Variants in LOC128125817 observed in about 807,000 individuals in gnomAD.
chr1:41,586,184 C>G, the LOC128125817 span, among the ~76,000 whole-genome samples: 11 of 152,176 alleles, frequency 7.2e-5, no homozygotes, highest in Admixed American at 7.2e-4. Flanking sequence ...AGTGGAGGAG[C>G]AAAGTTGGTC....
At chr1:41,615,815 CTTTTTTT>C in the LOC128125817 span, among the ~76,000 whole-genome samples, 1 of 46,990 alleles carries the variant, frequency 2.1e-5, no homozygotes, top group Non-Finnish European at 3.9e-5. Flanking sequence ...TTTGACAAGT[CTTTTTTT>C]TTTTTTTTTT....
the LOC128125817 span, among the ~76,000 whole-genome samples, chr1:41,610,549 A>G: frequency 6.6e-6 from 1 of 152,144 alleles, no homozygotes; most frequent in Non-Finnish European, 1.5e-5. Flanking sequence ...CAGGCCAGAG[A>G]GGGACGGTTC....
the LOC128125817 span, among the ~76,000 whole-genome samples, chr1:41,621,480 T>C: frequency 6.6e-6 from 1 of 152,266 alleles, no homozygotes; most frequent in Non-Finnish European, 1.5e-5. Context: ...CTCCCCACCC[T>C]GAGCTCAGCA....
the LOC128125817 span, among the ~76,000 whole-genome samples, chr1:41,611,973 T>C: frequency 2.0e-5 from 3 of 152,136 alleles, no homozygotes; most frequent in Admixed American, 6.5e-5. Flanking sequence ...CCCTTCTTGA[T>C]GGCCCAGGCT....
chr1:41,604,526 G>A, the LOC128125817 span, among the ~76,000 whole-genome samples: 1 of 152,156 alleles, frequency 6.6e-6, no homozygotes, highest in Non-Finnish European at 1.5e-5. Flanking sequence ...TTCCTCCCTA[G>A]TGAATGGGAT....
At chr1:41,608,551 C>T in the LOC128125817 span, among the ~76,000 whole-genome samples, 1 of 152,186 alleles carries the variant, frequency 6.6e-6, no homozygotes, top group African/African-American at 2.4e-5. Context: ...CACTGCTAAC[C>T]CATTCCTTTT....
the LOC128125817 span, among the ~76,000 whole-genome samples, chr1:41,620,133 G>A: frequency 1.3e-5 from 2 of 152,142 alleles, no homozygotes; most frequent in Non-Finnish European, 2.9e-5. Context: ...GCACTGAAAC[G>A]ACCCCAGGGA....
At chr1:41,616,846 G>A in the LOC128125817 span, among the ~76,000 whole-genome samples, 1 of 152,168 alleles carries the variant, frequency 6.6e-6, no homozygotes, top group African/African-American at 2.4e-5. Context: ...CAGGCCAATA[G>A]GTTGTGAGCA....
At chr1:41,616,962 A>G in the LOC128125817 span, among the ~76,000 whole-genome samples, 1 of 152,138 alleles carries the variant, frequency 6.6e-6, no homozygotes, top group Admixed American at 6.5e-5. Context: ...ACTTTACCAA[A>G]GAGGAGTGTG....
the LOC128125817 span, among the ~76,000 whole-genome samples, chr1:41,614,140 G>C: frequency 6.6e-6 from 1 of 152,226 alleles, no homozygotes; most frequent in Non-Finnish European, 1.5e-5. Context: ...GGGAGAGGTA[G>C]CCACAACATG....
chr1:41,617,033 C>A, the LOC128125817 span, among the ~76,000 whole-genome samples: 1 of 152,208 alleles, frequency 6.6e-6, no homozygotes, highest in Non-Finnish European at 1.5e-5. Context: ...TGAACCCTGG[C>A]TGTCTGTCTT....
the LOC128125817 span, among the ~76,000 whole-genome samples, chr1:41,593,094 A>G: frequency 2.0e-5 from 3 of 152,212 alleles, no homozygotes; most frequent in Non-Finnish European, 4.4e-5. Flanking sequence ...CCAAAGACCA[A>G]CGACAGAACA....
At chr1:41,619,101 C>T in the LOC128125817 span, among the ~76,000 whole-genome samples, 1 of 151,954 alleles carries the variant, frequency 6.6e-6, no homozygotes, top group Non-Finnish European at 1.5e-5. Flanking sequence ...GGATGTTGTG[C>T]CTGCCTCTCC....
At chr1:41,602,823 A>T in the LOC128125817 span, among the ~76,000 whole-genome samples, 2 of 151,390 alleles carry the variant, frequency 1.3e-5, no homozygotes, top group African/African-American at 4.9e-5. Flanking sequence ...CTTATTTGAG[A>T]TCCTTCTTCT....
the LOC128125817 span, among the ~76,000 whole-genome samples, chr1:41,596,469 C>T: frequency 6.6e-6 from 1 of 152,196 alleles, no homozygotes; most frequent in Non-Finnish European, 1.5e-5. Context: ...GGATGTCTGC[C>T]TTGAGCCAGG....
At chr1:41,609,598 C>T in the LOC128125817 span, among the ~76,000 whole-genome samples, 1 of 152,250 alleles carries the variant, frequency 6.6e-6, no homozygotes, top group Non-Finnish European at 1.5e-5. Flanking sequence ...TGTCTCCAAT[C>T]CATAATGACA....
chr1:41,594,806 C>T, the LOC128125817 span, among the ~76,000 whole-genome samples: 1 of 152,160 alleles, frequency 6.6e-6, no homozygotes, highest in Admixed American at 6.5e-5. Context: ...TAGAATGTCA[C>T]CCAAATTTTC....
chr1:41,596,560 G>T, the LOC128125817 span, among the ~76,000 whole-genome samples: 1 of 152,176 alleles, frequency 6.6e-6, no homozygotes, highest in African/African-American at 2.4e-5. Context: ...GCTCCATTCA[G>T]ATTTGCATTT....
At chr1:41,622,661 C>T in the LOC128125817 span, among the ~76,000 whole-genome samples, 1 of 152,214 alleles carries the variant, frequency 6.6e-6, no homozygotes, top group Non-Finnish European at 1.5e-5. Flanking sequence ...ATGCTCATTC[C>T]TGCCATAGAC....
Sources: allele counts gnomAD v4.1 joint callset (sites outside exome capture counted in the v4.1 genomes callset), GRCh38; gene constraint gnomAD v4.1.1; transcripts MANE v1.5.